GRIP1: variants seen among roughly 807,000 people sequenced by gnomAD.
GRIP1 encodes glutamate receptor interacting protein 1.
A neutral mutation model predicts 129.9 loss-of-function variants in GRIP1; 45 were observed. The observed-to-expected ratio is 0.35, with a 90% CI of 0.27 to 0.44. The LOEUF (loss-of-function observed/expected upper bound fraction) is 0.44. GRIP1 is among the 20% of genes least tolerant of loss of function. GRIP1 has a pLI of 1.00. For synonymous variants in GRIP1, 530 were observed against 520.8 expected (o/e 1.02, Z -0.24); for missense variants, 1,196 against 1,396.8 (o/e 0.86, Z 2.29).
intron 1 of GRIP1, among the ~76,000 whole-genome samples, chr12:66,755,662 C>T (rs1480015): frequency 0.054 from 8,234 of 152,194 alleles, 375 homozygotes; most frequent in South Asian, 0.16. Flanking sequence ...TGGGACCTCT[C>T]CGTTACCCAG....
In GRIP1 at chr12:66,906,662, C is replaced by T. The variant is rs546792461; in HGVS notation, c.58+162388G>A. 5.3e-5 allele frequency among the ~76,000 whole-genome samples: 8 copies of T among 152,106 alleles called. No homozygotes were observed. In the South Asian group the frequency reaches 1.0e-3, roughly 20 times the overall value. ...AAGCTGTTGCTAGGTAAGACCAGAACGGGAAGGCACAAAACAGACTGCAAA... is the reference window on the plus strand; with the variant it reads ...AAGCTGTTGCTAGGTAAGACCAGAATGGGAAGGCACAAAACAGACTGCAAA... On this transcript the variant is annotated intron_variant, in intron 1 of 1. Coordinates refer to the GRIP1 transcript ENST00000643019.
intron 23 of GRIP1, among the ~76,000 whole-genome samples, chr12:66,361,734 T>C (rs1283065564): frequency 6.6e-6 from 1 of 152,192 alleles, no homozygotes; most frequent in Admixed American, 6.5e-5. Flanking sequence ...CCCTCCTGAC[T>C]CAGCCTCTGC....
chr12:66,702,399 C>A (rs2035380490), intron 1 of GRIP1, among the ~76,000 whole-genome samples: 1 of 152,114 alleles, frequency 6.6e-6, no homozygotes, highest in East Asian at 1.9e-4. Flanking sequence ...CTTTTGTTCT[C>A]TTGACAGTTT....
chr12:66,633,319 C>CTATACTA (rs781766451), intron 1 of GRIP1, among the ~76,000 whole-genome samples: 4 of 146,962 alleles, frequency 2.7e-5, no homozygotes, highest in African/African-American at 1.0e-4. Context: ...CTATACTATA[C>CTATACTA]TATATATATA....
chr12:66,685,103 C>T (rs925398479), intron 1 of GRIP1, among the ~76,000 whole-genome samples: 1 of 152,118 alleles, frequency 6.6e-6, no homozygotes, highest in Non-Finnish European at 1.5e-5. Context: ...TAGTCCAGAC[C>T]TTCACAGTTA....
At chr12:66,415,567 TG>T (rs977982030) in intron 15 of GRIP1, among the ~76,000 whole-genome samples, 9 of 152,320 alleles carry the variant, frequency 5.9e-5, no homozygotes, top group Non-Finnish European at 2.9e-5. Flanking sequence ...ATCCCATTAC[TG>T]GATATATACC....
chr12:66,749,827 G>A (rs955809311), intron 1 of GRIP1, among the ~76,000 whole-genome samples: 3 of 152,206 alleles, frequency 2.0e-5, no homozygotes, highest in Non-Finnish European at 4.4e-5. Flanking sequence ...TGTCAGAGCA[G>A]CAGCATAGAA....
chr12:66,893,057 ACAGGTATACCCTTC>A (rs1407071484), intron 1 of GRIP1, among the ~76,000 whole-genome samples: 2 of 152,288 alleles, frequency 1.3e-5, no homozygotes, highest in East Asian at 3.9e-4. Flanking sequence ...CCACTCATTT[ACAGGTATACCCTTC>A]CCCAACCCTA....
At chr12:66,494,702 G>C (rs1389828567) in intron 7 of GRIP1, among the ~76,000 whole-genome samples, 1 of 151,666 alleles carries the variant, frequency 6.6e-6, no homozygotes, top group Non-Finnish European at 1.5e-5. Context: ...GTGAGAGTCT[G>C]TCTCTAAAAA....
intron 4 of GRIP1, among the ~76,000 whole-genome samples, chr12:66,537,188 A>G (rs1007458564): frequency 1.3e-5 from 2 of 152,180 alleles, no homozygotes; most frequent in African/African-American, 4.8e-5. Flanking sequence ...ATTAATCCTC[A>G]TAACAAATCT....
At chr12:66,377,638 C>CTTTTTT (rs3045282) in intron 20 of GRIP1, among the ~76,000 whole-genome samples, 1 of 124,612 alleles carries the variant, frequency 8.0e-6, no homozygotes, top group African/African-American at 3.1e-5. Context: ...CGCACCCGGC[C>CTTTTTT]TTTTTTTTTT....
chr12:67,017,404 T>C (rs757083612), intron 1 of GRIP1, among the ~76,000 whole-genome samples: 9 of 151,896 alleles, frequency 5.9e-5, no homozygotes, highest in Non-Finnish European at 1.3e-4. Flanking sequence ...CTTGAAGAAT[T>C]AGGTGTATTT....
At chr12:66,638,804 C>T (rs1369515234) in intron 1 of GRIP1, among the ~76,000 whole-genome samples, 1 of 151,974 alleles carries the variant, frequency 6.6e-6, no homozygotes, top group Non-Finnish European at 1.5e-5. Flanking sequence ...TTACTTGTAA[C>T]ACACACAAAG....
chr12:66,726,110 G>A (rs1250993232), intron 1 of GRIP1, among the ~76,000 whole-genome samples: 1 of 151,910 alleles, frequency 6.6e-6, no homozygotes, highest in Admixed American at 6.6e-5. Flanking sequence ...GGTGGTAATG[G>A]CACCCCAAAA....
At chr12:66,879,555 A>G (rs1592924572) in intron 1 of GRIP1, among the ~76,000 whole-genome samples, 1 of 152,118 alleles carries the variant, frequency 6.6e-6, no homozygotes, top group East Asian at 1.9e-4. Context: ...CCACTCTCCA[A>G]ACAGCACTCA....
chr12:66,738,127 G>A (rs2036667332), intron 1 of GRIP1, among the ~76,000 whole-genome samples: 1 of 152,172 alleles, frequency 6.6e-6, no homozygotes, highest in Non-Finnish European at 1.5e-5. Flanking sequence ...GAGATGGGCT[G>A]AGAGAAGGCA....
rs542960087 is a variant in GRIP1, at chr12:66,704,586, A to G, written c.-419-74250T>C. Among the ~76,000 whole-genome samples the G allele has an allele frequency of 1.6e-4, 24 of 152,230 alleles. No homozygotes were observed. The South Asian group carries it at 4.8e-3, about 30-fold the overall frequency. On this transcript the variant is annotated intron_variant, in intron 1 of 4. Coordinates refer to the GRIP1 transcript ENST00000538373. ...AACAGAACACTGAGATGTGGTTTTC[A>G]TCTATTAAGTGTTCCCAAGCACTCT... is the stretch of plus-strand genomic sequence containing the variant.
intron 23 of GRIP1, among the ~76,000 whole-genome samples, chr12:66,364,063 T>A (rs552313877): frequency 4.6e-5 from 7 of 151,938 alleles, no homozygotes; most frequent in Admixed American, 1.3e-4. Flanking sequence ...CCAGCCAGTC[T>A]GAGACCAGCT....
intron 1 of GRIP1, among the ~76,000 whole-genome samples, chr12:66,833,259 T>G (rs1327891575): frequency 6.6e-6 from 1 of 152,194 alleles, no homozygotes; most frequent in Non-Finnish European, 1.5e-5. Context: ...ACAGTGGCCC[T>G]TCTGGAATAT....
Sources: gnomAD v4.1 joint callset for allele counts (sites outside exome capture counted in the v4.1 genomes callset) on GRCh38, gnomAD v4.1.1 for gene constraint, MANE v1.5 for transcripts, NCBI Gene and HGNC (gene_info 2026-07-23, HGNC 2026-07-21) for gene names.